WDR31: variants seen among roughly 807,000 people sequenced by gnomAD.
WDR31 encodes the protein WD repeat domain 31.
WDR31 carries 30 observed loss-of-function variants against 47.3 expected under a neutral mutation model. The ratio of observed to expected loss-of-function variants is 0.63; its 90% CI spans 0.47 to 0.86. The LOEUF (loss-of-function observed/expected upper bound fraction) is 0.86, where lower values mean the gene tolerates loss of function less well. WDR31 is among the 40% of genes least tolerant of loss of function. The pLI, the probability that WDR31 is intolerant of heterozygous loss-of-function variation, is 0.00. For synonymous variants in WDR31, 137 were observed against 159.4 expected (o/e 0.86, Z 1.06); for missense variants, 406 against 442.9 (o/e 0.92, Z 0.75).
intron 1 of WDR31, among the ~76,000 whole-genome samples, chr9:113,336,902 G>A (rs1257167181): frequency 6.6e-6 from 1 of 152,146 alleles, no homozygotes; most frequent in African/African-American, 2.4e-5. Flanking sequence ...TGCAGAATAA[G>A]GATAGAAATA....
At chr9:113,329,447 A>G (rs978416455) in intron 4 of WDR31, among the ~76,000 whole-genome samples, 2 of 139,842 alleles carry the variant, frequency 1.4e-5, no homozygotes, top group Non-Finnish European at 3.1e-5. Flanking sequence ...TTGAGACCAG[A>G]CTGACCAACA....
chr9:113,334,043 C>CT (rs1833662558), intron 2 of WDR31, among the ~76,000 whole-genome samples: 1 of 151,866 alleles, frequency 6.6e-6, no homozygotes, highest in South Asian at 2.1e-4. Context: ...GGGTCTCACT[C>CT]TATCACCCAG....
intron 2 of WDR31, among the ~76,000 whole-genome samples, chr9:113,333,228 TTA>T (rs1277430414): frequency 3.3e-5 from 5 of 149,682 alleles, no homozygotes; most frequent in African/African-American, 9.7e-5. Context: ...ATCATAAATT[TTA>T]TGTTATGTGC....
chr9:113,317,047 A>G, intron 10 of WDR31, 138 bp from the exon 11 acceptor site: 1 of 1,066,764 alleles, frequency 9.4e-7, no homozygotes, highest in Non-Finnish European at 1.3e-6. Flanking sequence ...ACTTCTTCAG[A>G]GGAAAGCATA....
At chr9:113,338,846 G>A (rs911892627) in intron 1 of WDR31, among the ~76,000 whole-genome samples, 2 of 152,110 alleles carry the variant, frequency 1.3e-5, no homozygotes, top group African/African-American at 2.4e-5. Flanking sequence ...TCGAACTCCC[G>A]ATCTCAGTTG....
rs777215521 is a variant in WDR31, at chr9:113,320,404, A to G, written c.733T>C (p.Cys245Arg). 3.7e-6 allele frequency: 6 copies of G among 1,614,090 alleles called. No homozygotes were observed. The African/African-American group carries it at 8.0e-5, about 22-fold the overall frequency. ...CCAAAGCCATTGCTGCAGGAGATAC[A>G]CTTGTGTCCATCCACACTGACTTCA... ...YCEVSVDGHK[C>R]ISCSNGFGGE... is the part of the protein sequence containing the mutation. Residue 245 changes from cysteine (C) to arginine (R), a missense_variant, in exon 9 of 11, where the codon TGT (cysteine) becomes CGT (arginine). Transcript: ENST00000374193.
chr9:113,323,428 A>C (rs1304391317), intron 5 of WDR31, among the ~76,000 whole-genome samples: 2 of 151,918 alleles, frequency 1.3e-5, no homozygotes, highest in Non-Finnish European at 2.9e-5. Flanking sequence ...CGCCCAGCTA[A>C]TTTTTGCATT....
chr9:113,333,720 C>T (rs1183786026), intron 2 of WDR31, among the ~76,000 whole-genome samples: 1 of 151,862 alleles, frequency 6.6e-6, no homozygotes, highest in Non-Finnish European at 1.5e-5. Context: ...TGGCACCTCT[C>T]AGTGTGCCAG....
chr9:113,339,705 A>T (rs943901887), intron 1 of WDR31, among the ~76,000 whole-genome samples: 4 of 152,046 alleles, frequency 2.6e-5, no homozygotes, highest in Admixed American at 2.0e-4. Flanking sequence ...CTCCCTGCCC[A>T]TTATATGAAC....
chr9:113,334,518 AAATT>A (rs965562408), intron 2 of WDR31, among the ~76,000 whole-genome samples: 9 of 151,716 alleles, frequency 5.9e-5, no homozygotes, highest in African/African-American at 1.2e-4. Flanking sequence ...TTGTTTTTTA[AAATT>A]AATTAATTAA....
At chr9:113,328,183 C>T (rs965348363) in intron 5 of WDR31, among the ~76,000 whole-genome samples, 5 of 152,172 alleles carry the variant, frequency 3.3e-5, no homozygotes, top group African/African-American at 1.2e-4. Flanking sequence ...CATTCAGGAC[C>T]AGCTCTTTTA....
rs142356135 is a variant in WDR31, at chr9:113,322,825, C to G, written c.556G>C (p.Val186Leu). ...TGAGTTCATACCACGTTCCTGGAGA[C>G]AGATGCTCTTTCCACACTCTGTCCT... ...VTGQSVERAS[V>L]SRNVVTHLCW... The change falls in exon 7 of 11, where the codon GTC (valine) becomes CTC (leucine). Residue 186 changes from valine to leucine, a missense_variant. Coordinates refer to ENST00000374193, the MANE Select transcript of WDR31 (RefSeq NM_001012361.4). 78 of 1,614,144 alleles carry G rather than the reference C, an allele frequency of 4.8e-5. No individual in the cohort carries two copies. The East Asian group carries it at 1.7e-3, about 36-fold the overall frequency.
chr9:113,322,673 T>C, intron 7 of WDR31, 138 bp downstream of exon 7: 1 of 714,802 alleles, frequency 1.4e-6, no homozygotes, highest in Non-Finnish European at 2.3e-6. Flanking sequence ...GGCCAGGGTC[T>C]CACAGCAGGT....
At position 113,330,911 on chromosome 9, in the gene WDR31, C is replaced by T; in HGVS notation, c.249+73G>A. The T allele has an allele frequency of 2.7e-6, 4 of 1,488,736 alleles. No homozygotes were observed. In the Admixed American group the frequency reaches 7.8e-5, roughly 29 times the overall value. The allele number at this position is 1,488,736 out of a possible 1,614,324, so 92.2% of individuals were successfully genotyped here. A position where few individuals can be genotyped will look rare whatever the true frequency, so the allele number is the denominator to read the frequency against. ...CAACCCTGCTCCAGAAATGCAAATCCTAGACTTCCTTTCAAAATATCTTCC... is the reference window on the plus strand; with the variant it reads ...CAACCCTGCTCCAGAAATGCAAATCTTAGACTTCCTTTCAAAATATCTTCC... On this transcript the variant is annotated intron_variant, in intron 4 of 10. Coordinates refer to ENST00000374193, the MANE Select transcript of WDR31 (RefSeq NM_001012361.4).
Position 113,314,466 on chromosome 9 carries a change from G to C in WDR31, c.*2283C>G, listed in dbSNP as rs1163507561. 1 of 151,974 alleles carries C rather than the reference G, an allele frequency of 6.6e-6. No homozygotes were observed. Among genetic ancestry groups the C allele is most frequent in the African/African-American group, 2.4e-5 (1 of 41,362 alleles). The allele number at this position is 151,974 out of a possible 1,614,324, so 9.4% of individuals were successfully genotyped here. On this transcript the variant is annotated 3_prime_UTR_variant, in exon 11 of 11. Coordinates refer to ENST00000374193, the MANE Select transcript of WDR31 (RefSeq NM_001012361.4). ...TTGACCTTGTGATCTGCCCGCCTAG[G>C]CCTCACAAAGTGCTGGGATTACAGG...
At chr9:113,328,024 C>A (rs1298662468) in intron 5 of WDR31, among the ~76,000 whole-genome samples, 1 of 152,190 alleles carries the variant, frequency 6.6e-6, no homozygotes, top group Non-Finnish European at 1.5e-5. Flanking sequence ...AGCCACCATG[C>A]CTGGCCAGTC....
intron 5 of WDR31, among the ~76,000 whole-genome samples, chr9:113,327,529 T>A (rs941683511): frequency 1.3e-5 from 2 of 152,210 alleles, no homozygotes; most frequent in African/African-American, 4.8e-5. Context: ...AGGTCTACTA[T>A]AACTTGACTT....
chr9:113,323,294 C>T (rs1833374685), intron 5 of WDR31, 139 bp from the exon 6 acceptor site: 2 of 1,100,830 alleles, frequency 1.8e-6, no homozygotes, highest in East Asian at 5.4e-5. Context: ...CGGAGTCTCA[C>T]TTTGTCACCC....
At chr9:113,321,438 G>A in intron 8 of WDR31, 73 bp downstream of exon 8, 1 of 1,441,016 alleles carries the variant, frequency 6.9e-7, no homozygotes, top group Non-Finnish European at 9.7e-7. Context: ...AATCAGAGTG[G>A]GAATGGAGCC....
Sources: allele counts gnomAD v4.1 joint callset (sites outside exome capture counted in the v4.1 genomes callset), GRCh38; gene constraint gnomAD v4.1.1; transcripts MANE v1.5; gene names NCBI Gene and HGNC (gene_info 2026-07-23, HGNC 2026-07-21).